The following MRTFB variants were observed in gnomAD, a reference collection of about 807,000 sequenced individuals.
MRTFB encodes myocardin related transcription factor B.
A neutral mutation model predicts 104.2 loss-of-function variants in MRTFB; 29 were observed. That is an observed-to-expected ratio of 0.28 (90% confidence interval 0.21 to 0.38). MRTFB has a LOEUF of 0.38. Ranked by LOEUF, MRTFB falls within the 10% of genes least tolerant of loss-of-function variation. The pLI, the probability that MRTFB is intolerant of heterozygous loss-of-function variation, is 1.00. For synonymous variants in MRTFB, 535 were observed against 519.5 expected (o/e 1.03, Z -0.41); for missense variants, 1,270 against 1,341.6 (o/e 0.95, Z 0.83).
intron 8 of MRTFB, among the ~76,000 whole-genome samples, chr16:14,223,990 C>T (rs1031056449): frequency 6.6e-6 from 1 of 152,268 alleles, no homozygotes; most frequent in South Asian, 2.1e-4. Flanking sequence ...AACAGTTCCA[C>T]GGGCTGTACA....
chr16:14,159,861 C>A (rs1328741924), intron 3 of MRTFB, among the ~76,000 whole-genome samples: 1 of 134,592 alleles, frequency 7.4e-6, no homozygotes, highest in Non-Finnish European at 1.5e-5. Context: ...ACCCGGGAGG[C>A]GGAGCTTGCA....
intron 11 of MRTFB, among the ~76,000 whole-genome samples, chr16:14,246,042 C>G (rs74533878): frequency 0.024 from 3,667 of 151,676 alleles, 153 homozygotes; most frequent in African/African-American, 0.081. Flanking sequence ...GTGGTACCTT[C>G]AGTGAGTGCT....
At chr16:14,073,912 G>C (rs2033883899) in intron 1 of MRTFB, among the ~76,000 whole-genome samples, 1 of 152,174 alleles carries the variant, frequency 6.6e-6, no homozygotes, top group African/African-American at 2.4e-5. Flanking sequence ...AACTTTGCTA[G>C]TCTTGCTGCA....
Position 14,243,783 on chromosome 16 carries a change from G to A in MRTFB, c.1080-1745G>A, listed in dbSNP as rs147513139. Among the ~76,000 whole-genome samples the A allele has an allele frequency of 5.3e-3, 810 of 151,700 alleles. 4 individuals carry two copies. The Middle Eastern group carries it at 0.058, about 11-fold the overall frequency. On this transcript the variant is annotated intron_variant, in intron 10 of 16. Transcript: ENST00000571589. ...AATACCCAAACCAAGAACATTTTCA[G>A]TACCCCAAAAGCCCCCTTTGTCTCC...
chr16:14,071,491 CCGCAGCAGCTG>C (rs2033686993), intron 1 of MRTFB, 126 bp downstream of exon 1: 1 of 152,638 alleles, frequency 6.6e-6, no homozygotes, highest in Admixed American at 6.6e-5. Flanking sequence ...CTGTTCGTCC[CCGCAGCAGCTG>C]CGGCGCCGTT....
Position 14,266,013 on chromosome 16 carries a change from G to C in MRTFB, c.*4569G>C, listed in dbSNP as rs867688182. 5 of 152,298 alleles carry C rather than the reference G, an allele frequency of 3.3e-5. No individual in the cohort carries two copies. The highest frequency in any genetic ancestry group is 9.6e-5 in the African/African-American group (4 of 41,560). The allele number at this position is 152,298 out of a possible 1,614,324, so 9.4% of individuals were successfully genotyped here. ...TTTGGTAGGAAGAGGAAGCATTTAG[G>C]AAAGGGTTTAGTATCTACCAAAAGT... is the stretch of plus-strand genomic sequence containing the variant. On this transcript the variant is annotated 3_prime_UTR_variant, in exon 17 of 17. Coordinates refer to ENST00000571589, the MANE Select transcript of MRTFB (RefSeq NM_001308142.2).
rs539166769 is a variant in MRTFB at position 14,183,328 on chromosome 16, A to C, written c.155-26915A>C. Among the ~76,000 whole-genome samples the C allele has an allele frequency of 6.6e-5, 10 of 152,322 alleles. No individual in the cohort carries two copies. The East Asian group carries it at 1.9e-3, about 29-fold the overall frequency. On this transcript the variant is annotated intron_variant, in intron 3 of 16. Coordinates refer to ENST00000571589, the MANE Select transcript of MRTFB (RefSeq NM_001308142.2). ...AATCATCAAAATTCAAGGAAAGATA[A>C]GTGAAGAAAGACTGAGAGAATGTTA...
At chr16:13,995,057 T>C in the MRTFB span, among the ~76,000 whole-genome samples, 1 of 152,142 alleles carries the variant, frequency 6.6e-6, no homozygotes, top group Non-Finnish European at 1.5e-5. Flanking sequence ...GGATTGGTGA[T>C]TGCAGAACAG....
At chr16:14,247,596 A>G (rs931499957) in intron 12 of MRTFB, 89 bp downstream of exon 12, 6 of 1,237,610 alleles carry the variant, frequency 4.8e-6, no homozygotes, top group Non-Finnish European at 5.5e-6. Flanking sequence ...GAGCTCTTCC[A>G]TAAATGCGTC....
Position 14,251,911 on chromosome 16 carries a change from A to T in MRTFB, c.2453A>T (p.His818Leu). The T allele has an allele frequency of 6.2e-7, 1 of 1,614,220 alleles. No individual in the cohort carries two copies. Reference sequence around the variant, plus strand: ...AATACAGTTCTTCCATATCAGAGACATCCTGCCCCAGCTGTCCAGCAGCCC... The same window carrying T: ...AATACAGTTCTTCCATATCAGAGACTTCCTGCCCCAGCTGTCCAGCAGCCC... ...SSNTVLPYQRHPAPAVQQPFI... is the reference protein window; with the variant it reads ...SSNTVLPYQRLPAPAVQQPFI... The change falls in exon 14 of 17, where the codon CAT becomes CTT. Residue 818 changes from histidine to leucine, a missense_variant. Coordinates refer to ENST00000571589, the MANE Select transcript of MRTFB (RefSeq NM_001308142.2).
At chr16:14,024,948 A>G in the MRTFB span, among the ~76,000 whole-genome samples, 10 of 152,234 alleles carry the variant, frequency 6.6e-5, no homozygotes, top group Admixed American at 2.6e-4. Flanking sequence ...TCGGATTTGA[A>G]CTCAGGCAGT....
intron 9 of MRTFB, among the ~76,000 whole-genome samples, chr16:14,235,539 A>G (rs956437026): frequency 6.6e-6 from 1 of 152,224 alleles, no homozygotes; most frequent in Non-Finnish European, 1.5e-5. Context: ...TTCTAGAGGA[A>G]GAAGCATTGT....
chr16:14,027,358 G>GGTC, the MRTFB span, among the ~76,000 whole-genome samples: 11 of 152,190 alleles, frequency 7.2e-5, no homozygotes, highest in Admixed American at 4.6e-4. Flanking sequence ...ACAGATTGAT[G>GGTC]GTCGCCAGGG....
At chr16:14,246,437 C>G in intron 11 of MRTFB, 36 bp from the exon 12 acceptor site, 1 of 1,601,212 alleles carries the variant, frequency 6.2e-7, no homozygotes, top group Non-Finnish European at 8.5e-7. Context: ...CCAGAAAGCT[C>G]TAATACTAAG....
At chr16:14,082,085 T>G (rs1392176433) in intron 2 of MRTFB, among the ~76,000 whole-genome samples, 1 of 152,222 alleles carries the variant, frequency 6.6e-6, no homozygotes, top group Non-Finnish European at 1.5e-5. Flanking sequence ...TTGCCTGTGT[T>G]TTGGGGTTCA....
chr16:14,006,275 G>A, the MRTFB span, among the ~76,000 whole-genome samples: 7 of 152,110 alleles, frequency 4.6e-5, no homozygotes, highest in Non-Finnish European at 7.4e-5. Context: ...GCCGGGAGGC[G>A]GAGGTTGCAG....
chr16:14,081,814 C>CCG (rs1314424655), intron 2 of MRTFB, among the ~76,000 whole-genome samples: 2 of 152,006 alleles, frequency 1.3e-5, no homozygotes, highest in Non-Finnish European at 2.9e-5. Context: ...ACTCTGGGCT[C>CCG]AAGCAGTCCA....
At chr16:14,008,318 T>G in the MRTFB span, among the ~76,000 whole-genome samples, 2 of 152,242 alleles carry the variant, frequency 1.3e-5, no homozygotes, top group Admixed American at 6.5e-5. Flanking sequence ...TGTTTTCTTC[T>G]AAGAGTTTTA....
At chr16:14,005,462 GCTT>G in the MRTFB span, among the ~76,000 whole-genome samples, 37 of 152,196 alleles carry the variant, frequency 2.4e-4, no homozygotes, top group African/African-American at 8.9e-4. Flanking sequence ...CCTTGCAAGG[GCTT>G]CTGCATTCCA....
Sources: gnomAD v4.1 joint callset for allele counts (sites outside exome capture counted in the v4.1 genomes callset) on GRCh38, gnomAD v4.1.1 for gene constraint, MANE v1.5 for transcripts, NCBI Gene and HGNC (gene_info 2026-07-23, HGNC 2026-07-21) for gene names.